The following TRIM36 variants were observed in gnomAD, a reference collection of about 807,000 sequenced individuals.
TRIM36 encodes E3 ubiquitin-protein ligase TRIM36.
In TRIM36, 42 loss-of-function variants were observed where a neutral mutation model predicts 72.4. The observed-to-expected ratio is 0.58, with a 90% CI of 0.45 to 0.75. The LOEUF (loss-of-function observed/expected upper bound fraction) is 0.75, where lower values mean the gene tolerates loss of function less well. Ranked by LOEUF, TRIM36 falls within the 30% of genes least tolerant of loss-of-function variation. The pLI is 0.00. For missense variants in TRIM36, 913 were observed against 857.1 expected (o/e 1.07, Z -0.81); for synonymous variants, 315 against 282.8 (o/e 1.11, Z -1.14).
At chr5:115,151,586 G>C (rs559902431) in intron 2 of TRIM36, among the ~76,000 whole-genome samples, 1 of 152,230 alleles carries the variant, frequency 6.6e-6, no homozygotes, top group East Asian at 1.9e-4. Flanking sequence ...CACAAAAATA[G>C]TGCATTAAAC....
chr5:115,180,120 C>A, exon 1 of TRIM36: 1 of 1,422,562 alleles, frequency 7.0e-7, no homozygotes, highest in Middle Eastern at 1.8e-4. Flanking sequence ...TGTTTTTAGT[C>A]TGAGTTTTGC....
intron 2 of TRIM36, among the ~76,000 whole-genome samples, chr5:115,155,622 T>G (rs1754135873): frequency 6.6e-6 from 1 of 152,346 alleles, no homozygotes; most frequent in Non-Finnish European, 1.5e-5. Context: ...CATCCCTTTA[T>G]GATTAAAACT....
chr5:115,153,328 G>A (rs1370769891), intron 2 of TRIM36, among the ~76,000 whole-genome samples: 2 of 139,602 alleles, frequency 1.4e-5, no homozygotes, highest in African/African-American at 2.7e-5. Context: ...TTGTCCAACA[G>A]GAAAATATCA....
At chr5:115,130,535 T>G in intron 9 of TRIM36, 57 bp downstream of exon 9, 1 of 1,529,674 alleles carries the variant, frequency 6.5e-7, no homozygotes, top group Non-Finnish European at 8.8e-7. Flanking sequence ...AAGCCAAATC[T>G]ATTTTCAGGC....
In TRIM36 at chr5:115,125,646, T is replaced by C. The variant is rs1329092220; in HGVS notation, c.*857A>G. The C allele has an allele frequency of 6.6e-6, 1 of 152,112 alleles. No individual in the cohort carries two copies. Among genetic ancestry groups the C allele is most frequent in the East Asian group, 1.9e-4 (1 of 5,204 alleles). 9.4% of individuals were successfully genotyped at this position (152,112 alleles called of 1,614,324 possible). ...GGGGTAAAAGAATAAATATGACTTTTAATATCAGTCCATCTTTACCAATAT... is the reference window on the plus strand; with the variant it reads ...GGGGTAAAAGAATAAATATGACTTTCAATATCAGTCCATCTTTACCAATAT... On this transcript the variant is annotated 3_prime_UTR_variant, in exon 10 of 10. Transcript: ENST00000513154.
chr5:115,150,400 T>A (rs1190783233), intron 2 of TRIM36, among the ~76,000 whole-genome samples: 1 of 152,242 alleles, frequency 6.6e-6, no homozygotes, highest in Non-Finnish European at 1.5e-5. Context: ...GAGACACATG[T>A]AGCTAATGGC....
At chr5:115,136,896 G>A in intron 7 of TRIM36, 104 bp downstream of exon 7, 3 of 1,183,540 alleles carry the variant, frequency 2.5e-6, no homozygotes, top group Non-Finnish European at 1.1e-6. Context: ...CTGGGCAAGT[G>A]AGATGCTGCT....
At chr5:115,148,229 T>C in intron 2 of TRIM36, 2 of 662,940 alleles carry the variant, frequency 3.0e-6, no homozygotes, top group Non-Finnish European at 3.7e-6. Context: ...ACACTACAAA[T>C]AATTTTACAA....
At chr5:115,134,323 TA>T (rs1394396497) in intron 7 of TRIM36, among the ~76,000 whole-genome samples, 176 bp from the exon 8 acceptor site, 3 of 151,890 alleles carry the variant, frequency 2.0e-5, no homozygotes, top group African/African-American at 7.2e-5. Flanking sequence ...ATATTTTTTA[TA>T]TTTAAAAGGT....
Position 115,157,211 on chromosome 5 carries a change from G to T in TRIM36, c.262+6307C>A, listed in dbSNP as rs141256549. 7.8e-3 allele frequency among the ~76,000 whole-genome samples: 1,180 copies of T among 151,682 alleles called. 10 individuals are homozygous for T. The highest frequency in any genetic ancestry group is 0.011 in the Non-Finnish European group (717 of 67,936). On this transcript the variant is annotated intron_variant, in intron 2 of 9. Coordinates refer to ENST00000513154, the MANE Select transcript of TRIM36 (RefSeq NM_001300759.2). ...GAACAAGGAACACTTCCACTCTGCT[G>T]GTGGGAATGTAAACTAGTACAGCCA...
At chr5:115,144,167 G>C (rs1223160526) in intron 4 of TRIM36, among the ~76,000 whole-genome samples, 1 of 152,086 alleles carries the variant, frequency 6.6e-6, no homozygotes, top group African/African-American at 2.4e-5. Context: ...AGCCACGGAA[G>C]TAATTCAGTT....
chr5:115,127,388 A>G (rs960529146), intron 9 of TRIM36, among the ~76,000 whole-genome samples: 2 of 152,152 alleles, frequency 1.3e-5, no homozygotes, highest in Admixed American at 6.5e-5. Flanking sequence ...TGACAAAACC[A>G]TATCTCTACT....
chr5:115,128,733 T>C (rs1291657129), intron 9 of TRIM36, among the ~76,000 whole-genome samples: 16 of 91,558 alleles, frequency 1.7e-4, no homozygotes, highest in African/African-American at 6.2e-4. Context: ...CAGTCCGGCC[T>C]GGGCGACAGA....
intron 8 of TRIM36, among the ~76,000 whole-genome samples, chr5:115,132,910 C>G (rs1456743688): frequency 6.6e-6 from 1 of 152,156 alleles, no homozygotes; most frequent in Non-Finnish European, 1.5e-5. Flanking sequence ...TCCCAAAACT[C>G]TCTATTGGAT....
At position 115,137,370 on chromosome 5, in the gene TRIM36, G is replaced by T; in HGVS notation, c.1078C>A (p.His360Asn). 6.2e-7 allele frequency: 1 copy of T among 1,605,782 alleles called. No homozygotes were observed. Among genetic ancestry groups the T allele is most frequent in the Non-Finnish European group, 8.5e-7 (1 of 1,177,696 alleles). ...AGAAGTAAAAGAGAATACCTGAGGT[G>T]GAGCTGCTTTGCTGTCTGCACAAAG... ...SCFVQTAKQLHLRIQKATESL... is the reference protein window; with the variant it reads ...SCFVQTAKQLNLRIQKATESL... The change falls in exon 6 of 10, where the codon CAC (histidine) becomes AAC (asparagine). Residue 360 changes from histidine (H) to asparagine (N), a missense_variant. His to Asn is a moderately conservative substitution (Grantham distance 68). Coordinates refer to ENST00000513154, the MANE Select transcript of TRIM36 (RefSeq NM_001300759.2).
In TRIM36 at chr5:115,143,801, G is replaced by A. The variant is rs185489372; in HGVS notation, c.735+797C>T. 8.3e-3 allele frequency among the ~76,000 whole-genome samples: 1,264 copies of A among 152,278 alleles called. 11 individuals carry two copies. Among genetic ancestry groups the A allele is most frequent in the Non-Finnish European group, 0.011 (778 of 68,010 alleles). ...AAGATAGTAGTGTACTGCTGCCTTTGTTGTTGATTATGAAATTTGAAAGTT... is the reference window on the plus strand; with the variant it reads ...AAGATAGTAGTGTACTGCTGCCTTTATTGTTGATTATGAAATTTGAAAGTT... On this transcript the variant is annotated intron_variant, in intron 4 of 9. Coordinates refer to ENST00000513154, the MANE Select transcript of TRIM36 (RefSeq NM_001300759.2).
At chr5:115,131,730 GGATA>G (rs1433343382) in intron 8 of TRIM36, among the ~76,000 whole-genome samples, 2 of 152,062 alleles carry the variant, frequency 1.3e-5, no homozygotes, top group Admixed American at 6.6e-5. Flanking sequence ...CTACATGTAT[GGATA>G]AATTTCGATA....
At chr5:115,165,961 G>A (rs1308739721) in intron 1 of TRIM36, among the ~76,000 whole-genome samples, 1 of 152,068 alleles carries the variant, frequency 6.6e-6, no homozygotes, top group Non-Finnish European at 1.5e-5. Context: ...TGACACACCA[G>A]CCCCCTGCCA....
chr5:115,154,635 G>A (rs1414533368), intron 2 of TRIM36, among the ~76,000 whole-genome samples: 1 of 152,078 alleles, frequency 6.6e-6, no homozygotes, highest in Non-Finnish European at 1.5e-5. Context: ...GCTTAAATTA[G>A]GAAGAATTAG....
Sources: gnomAD v4.1 joint callset for allele counts (sites outside exome capture counted in the v4.1 genomes callset) on GRCh38, gnomAD v4.1.1 for gene constraint, MANE v1.5 for transcripts, NCBI Gene and HGNC (gene_info 2026-07-23, HGNC 2026-07-21) for gene names.